The following NPAS2 variants were observed in gnomAD, a reference collection of about 807,000 sequenced individuals.
NPAS2 encodes the protein neuronal PAS domain-containing protein 2.
A neutral mutation model predicts 107.5 loss-of-function variants in NPAS2; 23 were observed. That is an observed-to-expected ratio of 0.21 (90% confidence interval 0.15 to 0.30). NPAS2 has a LOEUF of 0.30. NPAS2 is among the 10% of genes least tolerant of loss of function. NPAS2 has a pLI of 1.00. For missense variants in NPAS2, 756 were observed against 1,043.3 expected (o/e 0.72, Z 3.79); for synonymous variants, 403 against 417.5 (o/e 0.97, Z 0.42).
rs80047184 is a variant in NPAS2 at position 100,892,276 on chromosome 2, TTAA to T, written c.-22-12453_-22-12451del. Reference sequence around the variant, plus strand: ...CCAAACGATGTTACGGTACATTTACTTAATAACAAATTTTTCAACTTTCTTCAT... The same window carrying T: ...CCAAACGATGTTACGGTACATTTACTTAACAAATTTTTCAACTTTCTTCAT... On this transcript the variant is annotated intron_variant, in intron 1 of 20. Transcript: ENST00000335681. Among the ~76,000 whole-genome samples, 943 of 152,354 alleles carry T rather than the reference TTAA, an allele frequency of 6.2e-3. 54 individuals are homozygous for T. The East Asian group carries it at 0.14, about 23-fold the overall frequency.
intron 2 of NPAS2, among the ~76,000 whole-genome samples, chr2:100,915,428 G>GA (rs1682824022): frequency 6.6e-6 from 1 of 152,150 alleles, no homozygotes; most frequent in Non-Finnish European, 1.5e-5. Flanking sequence ...AGGTGCTCAG[G>GA]AAAGTGACTC....
chr2:100,842,872 C>T (rs1356400195), intron 1 of NPAS2, among the ~76,000 whole-genome samples: 1 of 152,140 alleles, frequency 6.6e-6, no homozygotes, highest in African/African-American at 2.4e-5. Context: ...CAGAAAAGTA[C>T]AGCTCTATCA....
intron 4 of NPAS2, among the ~76,000 whole-genome samples, chr2:100,936,824 A>C (rs1288661578): frequency 6.6e-6 from 1 of 151,878 alleles, no homozygotes; most frequent in African/African-American, 2.4e-5. Flanking sequence ...TCTACTAAAA[A>C]TACAAAAATT....
At chr2:100,885,156 T>C (rs1304624279) in intron 1 of NPAS2, among the ~76,000 whole-genome samples, 4 of 152,120 alleles carry the variant, frequency 2.6e-5, no homozygotes, top group Non-Finnish European at 4.4e-5. Context: ...TTCACCCTGT[T>C]AGCCAGGATG....
intron 1 of NPAS2, among the ~76,000 whole-genome samples, chr2:100,866,712 G>A (rs1342587791): frequency 6.6e-6 from 1 of 152,146 alleles, no homozygotes; most frequent in Non-Finnish European, 1.5e-5. Flanking sequence ...ATGCTGTTAT[G>A]CACTAGATGA....
At chr2:100,949,957 G>A (rs987852298) in intron 7 of NPAS2, among the ~76,000 whole-genome samples, 22 of 152,164 alleles carry the variant, frequency 1.4e-4, no homozygotes, top group African/African-American at 4.8e-4. Flanking sequence ...ATTTTACAAT[G>A]AGCCAGGAAT....
At chr2:100,864,502 A>C (rs1477872035) in intron 1 of NPAS2, among the ~76,000 whole-genome samples, 3 of 152,204 alleles carry the variant, frequency 2.0e-5, no homozygotes, top group Non-Finnish European at 2.9e-5. Context: ...GTCCACGAGA[A>C]CCTTACCTTG....
chr2:100,980,117 A>C (rs1170824485), intron 15 of NPAS2, among the ~76,000 whole-genome samples: 1 of 152,134 alleles, frequency 6.6e-6, no homozygotes, highest in African/African-American at 2.4e-5. Context: ...CACCATCAAG[A>C]AGGTAAGGAG....
At chr2:100,870,146 G>A (rs749035890) in intron 1 of NPAS2, among the ~76,000 whole-genome samples, 3 of 152,010 alleles carry the variant, frequency 2.0e-5, no homozygotes, top group East Asian at 1.9e-4. Flanking sequence ...TGATCCGCCC[G>A]CCTTGGCCTC....
intron 3 of NPAS2, among the ~76,000 whole-genome samples, chr2:100,929,525 A>G (rs1442883325): frequency 1.3e-5 from 2 of 152,212 alleles, no homozygotes; most frequent in African/African-American, 2.4e-5. Flanking sequence ...CCCACAGACC[A>G]ATATGTCATG....
At chr2:100,992,792 G>A (rs917443356) in intron 19 of NPAS2, among the ~76,000 whole-genome samples, 34 of 152,142 alleles carry the variant, frequency 2.2e-4, no homozygotes, top group Non-Finnish European at 4.3e-4. Flanking sequence ...TCTTGTTGTG[G>A]AGTTGTAGGC....
intron 1 of NPAS2, among the ~76,000 whole-genome samples, chr2:100,864,764 T>A (rs1679155420): frequency 6.6e-6 from 1 of 152,254 alleles, no homozygotes; most frequent in Non-Finnish European, 1.5e-5. Context: ...ATTTCAGGCT[T>A]CTTTTACATT....
At chr2:100,897,935 T>A (rs775286076) in intron 1 of NPAS2, among the ~76,000 whole-genome samples, 1 of 152,070 alleles carries the variant, frequency 6.6e-6, no homozygotes, top group Non-Finnish European at 1.5e-5. Context: ...GCATATACAT[T>A]CTCCTGCCTC....
In NPAS2 at chr2:100,968,248, T is replaced by C. The variant is rs753203282; in HGVS notation, c.908-33T>C. ...GAAAAGATCATTTTCATATTAACAT[T>C]GGTTATATGCGGAATCCATTTTCTA... On this transcript the variant is annotated intron_variant, in intron 10 of 20. Coordinates refer to ENST00000335681, the MANE Select transcript of NPAS2 (RefSeq NM_002518.4). The surrounding 1 kb of genome is among the most constrained non-coding windows in gnomAD (Gnocchi z 5.3). 3 of 1,601,816 alleles carry C rather than the reference T, an allele frequency of 1.9e-6. No individual in the cohort carries two copies. In the Admixed American group the frequency reaches 5.0e-5, roughly 27 times the overall value.
At chr2:100,946,170 A>G (rs1674884876) in intron 5 of NPAS2, among the ~76,000 whole-genome samples, 1 of 152,196 alleles carries the variant, frequency 6.6e-6, no homozygotes, top group African/African-American at 2.4e-5. Flanking sequence ...TTTTATCAGC[A>G]GTGGAGGCAG....
At chr2:100,845,286 A>G (rs1168227306) in intron 1 of NPAS2, among the ~76,000 whole-genome samples, 1 of 152,210 alleles carries the variant, frequency 6.6e-6, no homozygotes, top group East Asian at 1.9e-4. Flanking sequence ...GGCTGCAGAT[A>G]GAGGTCTGAC....
At chr2:100,912,421 A>G (rs1385940586) in intron 2 of NPAS2, among the ~76,000 whole-genome samples, 1 of 152,138 alleles carries the variant, frequency 6.6e-6, no homozygotes, top group Non-Finnish European at 1.5e-5. Context: ...TCTTTGGTTT[A>G]GGCATTAACT....
At chr2:100,860,858 T>A (rs1678896447) in intron 1 of NPAS2, among the ~76,000 whole-genome samples, 1 of 151,842 alleles carries the variant, frequency 6.6e-6, no homozygotes, top group Non-Finnish European at 1.5e-5. Flanking sequence ...TTAGCATGGT[T>A]TTTTTTTATT....
chr2:100,955,842 G>A (rs573956756), intron 7 of NPAS2, among the ~76,000 whole-genome samples: 1 of 152,130 alleles, frequency 6.6e-6, no homozygotes, highest in South Asian at 2.1e-4. Context: ...TCCCTACTCA[G>A]GACTCCCCGC....
Sources: allele counts gnomAD v4.1 joint callset (sites outside exome capture counted in the v4.1 genomes callset), GRCh38; gene constraint gnomAD v4.1.1; non-coding constraint Gnocchi (gnomAD v3.1); transcripts MANE v1.5; gene names NCBI Gene and HGNC (gene_info 2026-07-23, HGNC 2026-07-21).